The following ZNF831 variants were observed in gnomAD, a reference collection of about 807,000 sequenced individuals.
The protein encoded by ZNF831 is chromosome 20 open reading frame 174.
A neutral mutation model predicts 95.8 loss-of-function variants in ZNF831; 59 were observed. That is an observed-to-expected ratio of 0.62 (90% CI 0.50 to 0.77). The LOEUF is 0.77. Ranked by LOEUF, ZNF831 falls within the 30% of genes least tolerant of loss-of-function variation. The pLI, the probability that ZNF831 is intolerant of heterozygous loss-of-function variation, is 0.00. For missense variants in ZNF831, 2,205 were observed against 2,164.0 expected (o/e 1.02, Z -0.38); for synonymous variants, 961 against 925.5 (o/e 1.04, Z -0.70).
At chr20:59,236,201 T>C (rs1215932709) in intron 4 of ZNF831, among the ~76,000 whole-genome samples, 1 of 152,240 alleles carries the variant, frequency 6.6e-6, no homozygotes, top group Non-Finnish European at 1.5e-5. Flanking sequence ...CATCTTTCTC[T>C]GCCTCTGTGC....
At chr20:59,159,118 G>A (rs949322976), upstream of ZNF831, among the ~76,000 whole-genome samples, 1 of 152,122 alleles carries the variant, frequency 6.6e-6, no homozygotes, top group African/African-American at 2.4e-5. Context: ...ATAAAAGCAA[G>A]TCAATTTGAA....
chr20:59,237,530 A>G (rs1568788778), intron 4 of ZNF831, among the ~76,000 whole-genome samples: 1 of 152,168 alleles, frequency 6.6e-6, no homozygotes, highest in African/African-American at 2.4e-5. Flanking sequence ...TATTTTTAGT[A>G]GAGACGCGGT....
At chr20:59,251,578 AG>A (rs750427991) in intron 4 of ZNF831, among the ~76,000 whole-genome samples, 6 of 152,212 alleles carry the variant, frequency 3.9e-5, no homozygotes, top group Non-Finnish European at 8.8e-5. Flanking sequence ...GAAGTTGTAG[AG>A]GTTCAGGAAC....
chr20:59,231,300 G>A (rs1986708664), intron 4 of ZNF831, among the ~76,000 whole-genome samples: 1 of 152,166 alleles, frequency 6.6e-6, no homozygotes, highest in Non-Finnish European at 1.5e-5. Flanking sequence ...CAACTTGCAT[G>A]CTCTGCCACA....
chr20:59,243,317 T>G (rs1482726938), intron 4 of ZNF831, among the ~76,000 whole-genome samples: 1 of 152,222 alleles, frequency 6.6e-6, no homozygotes, highest in Admixed American at 6.5e-5. Flanking sequence ...CAAAGAAAAC[T>G]GCTCAGACAG....
intron 4 of ZNF831, among the ~76,000 whole-genome samples, chr20:59,207,642 CG>C (rs1231185017): frequency 1.3e-5 from 2 of 152,170 alleles, no homozygotes; most frequent in Non-Finnish European, 2.9e-5. Flanking sequence ...ACTGGGCAAC[CG>C]GGGCAAATGG....
At chr20:59,229,881 G>C (rs1189881067) in intron 4 of ZNF831, among the ~76,000 whole-genome samples, 1 of 152,074 alleles carries the variant, frequency 6.6e-6, no homozygotes, top group Non-Finnish European at 1.5e-5. Context: ...CAATTCCTCT[G>C]TACAGCTCAT....
At chr20:59,154,696 G>T (rs1331744772) in intron 2 of ZNF831, among the ~76,000 whole-genome samples, 2 of 152,174 alleles carry the variant, frequency 1.3e-5, no homozygotes, top group Non-Finnish European at 2.9e-5. Flanking sequence ...CCCACTTTGT[G>T]GGGACCCTGA....
At chr20:59,154,149 G>A (rs568506257) in intron 2 of ZNF831, among the ~76,000 whole-genome samples, 3 of 152,330 alleles carry the variant, frequency 2.0e-5, no homozygotes, top group Admixed American at 6.5e-5. Flanking sequence ...ACCTAAAAGT[G>A]TCACAGGGAC....
intron 1 of ZNF831, among the ~76,000 whole-genome samples, chr20:59,179,345 G>A (rs1349876092): frequency 6.6e-6 from 1 of 152,116 alleles, no homozygotes; most frequent in Non-Finnish European, 1.5e-5. Flanking sequence ...GCACCCATCC[G>A]CTTCTCACTA....
At chr20:59,237,960 A>C (rs1428659224) in intron 4 of ZNF831, among the ~76,000 whole-genome samples, 1 of 152,188 alleles carries the variant, frequency 6.6e-6, no homozygotes, top group Non-Finnish European at 1.5e-5. Flanking sequence ...GAACTCCCAG[A>C]ATACGTAATT....
intron 1 of ZNF831, among the ~76,000 whole-genome samples, chr20:59,178,917 C>T (rs1032014881): frequency 6.6e-6 from 1 of 152,170 alleles, no homozygotes; most frequent in East Asian, 1.9e-4. Context: ...TCCTCCAGAG[C>T]CCGCTCTCTT....
rs2146600967 is a variant in ZNF831 at position 59,194,529 on chromosome 20, C to T, written c.3510C>T (p.Thr1170=). Residue 1170 remains threonine, a synonymous_variant, in exon 2 of 6, where the codon ACC becomes ACT. Transcript: ENST00000371030. ...RSHSTRSPHS[T]QNPFPSLKAE... The stretch of plus-strand genomic sequence containing the variant: ...ACAGCACCCGCAGTCCCCACAGCAC[C>T]CAAAACCCCTTTCCCTCACTGAAGG... 6.2e-7 allele frequency: 1 copy of T among 1,607,416 alleles called. No homozygotes were observed. The highest frequency in any genetic ancestry group is 8.5e-7 in the Non-Finnish European group (1 of 1,176,674).
At chr20:59,228,117 A>G (rs1986528689) in intron 4 of ZNF831, among the ~76,000 whole-genome samples, 1 of 152,250 alleles carries the variant, frequency 6.6e-6, no homozygotes, top group African/African-American at 2.4e-5. Flanking sequence ...ACACAGCAGT[A>G]TCTGCTTTCT....
chr20:59,190,714 C>A (rs1257081899), intron 1 of ZNF831, among the ~76,000 whole-genome samples: 6 of 152,186 alleles, frequency 3.9e-5, no homozygotes, highest in Non-Finnish European at 7.3e-5. Flanking sequence ...GTGCAGATGG[C>A]ATGTTAAATA....
At chr20:59,228,759 C>G (rs1308061282) in intron 4 of ZNF831, among the ~76,000 whole-genome samples, 1 of 152,150 alleles carries the variant, frequency 6.6e-6, no homozygotes, top group Admixed American at 6.5e-5. Context: ...GTGTAATGAC[C>G]AAGTCAGGGA....
At chr20:59,223,975 C>T (rs1204196159) in intron 4 of ZNF831, among the ~76,000 whole-genome samples, 3 of 152,196 alleles carry the variant, frequency 2.0e-5, no homozygotes, top group Non-Finnish European at 4.4e-5. Flanking sequence ...CATCCACCAC[C>T]CCCACATCCA....
intron 2 of ZNF831, chr20:59,146,967 T>C (rs1979902401): frequency 6.6e-6 from 1 of 152,182 alleles, no homozygotes; most frequent in Non-Finnish European, 1.5e-5. Flanking sequence ...AAATACTAAG[T>C]GCAGATTACA....
At chr20:59,235,301 C>T (rs1324917917) in intron 4 of ZNF831, among the ~76,000 whole-genome samples, 1 of 152,170 alleles carries the variant, frequency 6.6e-6, no homozygotes, top group Non-Finnish European at 1.5e-5. Context: ...TTTTCTGCTT[C>T]TCTTGGGAGA....
Sources: gnomAD v4.1 joint callset for allele counts (sites outside exome capture counted in the v4.1 genomes callset) on GRCh38, gnomAD v4.1.1 for gene constraint, MANE v1.5 for transcripts, NCBI Gene and HGNC (gene_info 2026-07-23, HGNC 2026-07-21) for gene names.